Variants in FRMD6 observed in about 807,000 individuals in gnomAD.
FRMD6 encodes the protein FERM domain-containing protein 6.
A neutral mutation model predicts 73.2 loss-of-function variants in FRMD6; 37 were observed. That is an observed-to-expected ratio of 0.51 (90% confidence interval 0.39 to 0.66). The LOEUF (loss-of-function observed/expected upper bound fraction) is 0.66, where lower values mean the gene tolerates loss of function less well. Among genes scored for constraint, FRMD6 ranks in the 30% least tolerant of loss-of-function variants. The probability of loss-of-function intolerance (pLI) is 0.00; values close to 1 mark genes in which losing one functional copy is unlikely to be tolerated. For missense variants in FRMD6, 714 were observed against 780.5 expected, an observed-to-expected ratio of 0.91 and a Z score of 1.02; for synonymous variants, 273 against 282.2, an observed-to-expected ratio of 0.97 and a Z score of 0.33.
At chr14:51,628,123 A>G (rs1354420058) in intron 2 of FRMD6, among the ~76,000 whole-genome samples, 1 of 152,234 alleles carries the variant, frequency 6.6e-6, no homozygotes, top group Non-Finnish European at 1.5e-5. Flanking sequence ...ATCTGTAGTA[A>G]GTTGAATCCA....
intron 2 of FRMD6, among the ~76,000 whole-genome samples, chr14:51,632,231 C>A (rs772594383): frequency 6.6e-6 from 1 of 152,198 alleles, no homozygotes; most frequent in Non-Finnish European, 1.5e-5. Context: ...CCATGCTGAA[C>A]TTTGAGTTAA....
At chr14:51,493,925 G>A (rs1380911804) in intron 1 of FRMD6, among the ~76,000 whole-genome samples, 3 of 152,174 alleles carry the variant, frequency 2.0e-5, no homozygotes, top group Admixed American at 6.5e-5. Flanking sequence ...CCAAGAACAA[G>A]GTGCCAGCTG....
chr14:51,684,796 T>G (rs1313242501), intron 1 of FRMD6, among the ~76,000 whole-genome samples: 2 of 152,206 alleles, frequency 1.3e-5, no homozygotes, highest in Non-Finnish European at 2.9e-5. Flanking sequence ...AGAATCTTCA[T>G]GTATAGGAAG....
chr14:51,698,855 G>A (rs917990251), intron 3 of FRMD6, among the ~76,000 whole-genome samples: 2 of 151,796 alleles, frequency 1.3e-5, no homozygotes, highest in African/African-American at 2.4e-5. Flanking sequence ...AAATTTCTGG[G>A]ACTTCTCTAA....
chr14:51,584,214 A>C (rs1351244369), intron 2 of FRMD6: 1 of 152,178 alleles, frequency 6.6e-6, no homozygotes, highest in East Asian at 1.9e-4. Flanking sequence ...TCATCATTTA[A>C]GCTTTAAGCC....
chr14:51,640,900 T>A (rs935467008), intron 2 of FRMD6, among the ~76,000 whole-genome samples: 3 of 152,236 alleles, frequency 2.0e-5, no homozygotes, highest in African/African-American at 7.2e-5. Flanking sequence ...AATGATAATT[T>A]TCCATGGTAA....
intron 3 of FRMD6, among the ~76,000 whole-genome samples, chr14:51,699,146 C>A (rs1896131499): frequency 6.6e-6 from 1 of 152,050 alleles, no homozygotes; most frequent in African/African-American, 2.4e-5. Flanking sequence ...AGGCCCCTTT[C>A]CCCCAAAATG....
At chr14:51,546,600 A>C (rs945995989) in intron 1 of FRMD6, 4 of 151,400 alleles carry the variant, frequency 2.6e-5, no homozygotes, top group African/African-American at 4.8e-5. Flanking sequence ...AAAAAAAAAA[A>C]AAAAAACCTG....
intron 1 of FRMD6, among the ~76,000 whole-genome samples, chr14:51,531,595 A>G (rs1885586078): frequency 6.6e-6 from 1 of 152,250 alleles, no homozygotes; most frequent in African/African-American, 2.4e-5. Context: ...AACATACTTC[A>G]AAAGAAAAAT....
chr14:51,589,217 T>C (rs1889229847), intron 2 of FRMD6, among the ~76,000 whole-genome samples: 1 of 152,164 alleles, frequency 6.6e-6, no homozygotes, highest in Non-Finnish European at 1.5e-5. Flanking sequence ...ATTTTACAGA[T>C]GGGAAAACCA....
chr14:51,482,688 G>GTGTGTGTGTGTT, the FRMD6 span, among the ~76,000 whole-genome samples: 4,460 of 151,838 alleles, frequency 0.029, 221 homozygotes, highest in African/African-American at 0.1. Context: ...GTGTGTGTGT[G>GTGTGTGTGTGTT]TGTGTATTTG....
chr14:51,686,213 G>C (rs907931725), intron 1 of FRMD6, among the ~76,000 whole-genome samples: 1 of 152,040 alleles, frequency 6.6e-6, no homozygotes, highest in African/African-American at 2.4e-5. Flanking sequence ...TTGCAAAGGT[G>C]GTATAGAGAG....
At chr14:51,687,446 G>A (rs1366013925) in intron 1 of FRMD6, among the ~76,000 whole-genome samples, 1 of 151,956 alleles carries the variant, frequency 6.6e-6, no homozygotes, top group African/African-American at 2.4e-5. Flanking sequence ...AATATATAGG[G>A]GAAAATTTTG....
At chr14:51,625,525 G>T (rs1042222976) in intron 2 of FRMD6, among the ~76,000 whole-genome samples, 18 of 151,966 alleles carry the variant, frequency 1.2e-4, no homozygotes, top group African/African-American at 4.1e-4. Context: ...GCAGGAAGCA[G>T]TACCTGGATA....
intron 2 of FRMD6, among the ~76,000 whole-genome samples, chr14:51,609,203 G>A (rs371351347): frequency 2.0e-5 from 3 of 152,066 alleles, no homozygotes; most frequent in Non-Finnish European, 2.9e-5. Context: ...CCAGTCTCTC[G>A]GGGTCAGGTT....
chr14:51,670,176 A>T (rs1893898057), intron 1 of FRMD6, among the ~76,000 whole-genome samples: 1 of 152,184 alleles, frequency 6.6e-6, no homozygotes, highest in Non-Finnish European at 1.5e-5. Context: ...CCTGGGCTCA[A>T]GCAGTCCTCT....
upstream of FRMD6, chr14:51,650,850 T>C (rs1034285256): frequency 2.6e-5 from 4 of 152,264 alleles, no homozygotes; most frequent in African/African-American, 9.7e-5. Context: ...TTGCCACCCG[T>C]GGCCAGGGGT....
chr14:51,534,721 A>G (rs1282559711), intron 1 of FRMD6, among the ~76,000 whole-genome samples: 1 of 152,216 alleles, frequency 6.6e-6, no homozygotes, highest in Non-Finnish European at 1.5e-5. Context: ...AATATCTGCT[A>G]CCACAGGAAG....
chr14:51,432,199 G>A, the FRMD6 span, among the ~76,000 whole-genome samples: 3 of 152,148 alleles, frequency 2.0e-5, no homozygotes, highest in Non-Finnish European at 2.9e-5. Context: ...AAGATAGAGA[G>A]TAGCGGAAAT....
Sources: gnomAD v4.1 joint callset for allele counts (sites outside exome capture counted in the v4.1 genomes callset) on GRCh38, gnomAD v4.1.1 for gene constraint, MANE v1.5 for transcripts, NCBI Gene and HGNC (gene_info 2026-07-23, HGNC 2026-07-21) for gene names.